The following KIF23 variants were observed in gnomAD, a reference collection of about 807,000 sequenced individuals.
The protein encoded by KIF23 is kinesin family member 23.
KIF23 carries 30 observed loss-of-function variants against 137.5 expected under a neutral mutation model. The observed-to-expected ratio is 0.22, with a 90% CI of 0.16 to 0.30. The LOEUF is 0.30. Among genes scored for constraint, KIF23 ranks in the 10% least tolerant of loss-of-function variants. KIF23 has a pLI of 1.00. For synonymous variants in KIF23, 367 were observed against 391.1 expected (o/e 0.94, Z 0.73); for missense variants, 920 against 1,194.3 (o/e 0.77, Z 3.38).
intron 11 of KIF23, chr15:69,434,500 G>A: frequency 1.5e-6 from 1 of 681,020 alleles, no homozygotes; most frequent in Admixed American, 2.0e-5. Context: ...ATCTCATACT[G>A]ACCACGCCGT....
chr15:69,430,024 C>CAAT (rs1159047551), intron 11 of KIF23, among the ~76,000 whole-genome samples: 2 of 151,466 alleles, frequency 1.3e-5, no homozygotes, highest in Non-Finnish European at 3.0e-5. Flanking sequence ...AAAACAACAA[C>CAAT]AACAACAAAA....
In KIF23 at chr15:69,423,286, T is replaced by C; in HGVS notation, c.691T>C (p.Tyr231His). Residue 231 changes from tyrosine to histidine, a missense_variant, in exon 7 of 24, where the codon TAT (tyrosine) becomes CAT (histidine). Physicochemically the swap from Tyr to His is moderately conservative, Grantham distance 83. Around this residue, in one of 4 missense-constraint regions of KIF23, gnomAD observed 714 missense variants for 866.2 expected, o/e 0.82. Transcript: ENST00000679126. ...TATTGAAATATATAATAATTACATATATGATCTATTGGAAGAGGTGCCGTT... is the reference window on the plus strand; with the variant it reads ...TATTGAAATATATAATAATTACATACATGATCTATTGGAAGAGGTGCCGTT... The part of the protein sequence containing the change: ...SYIEIYNNYI[Y>H]DLLEEVPFDP... 1 of 1,583,200 alleles carries C rather than the reference T, an allele frequency of 6.3e-7. No individual in the cohort carries two copies. Among genetic ancestry groups the C allele is most frequent in the South Asian group, 1.2e-5 (1 of 85,886 alleles).
rs769199373 is a variant in KIF23, at chr15:69,436,216, C to G, written c.1393C>G (p.Pro465Ala). 6.2e-7 allele frequency: 1 copy of G among 1,613,828 alleles called. No homozygotes were observed. Reference sequence around the variant, plus strand: ...AGACAAGGCAATATGTGGTTTAACGCCTGGGAGGAGATACAGAAACCAGCC... The same window carrying G: ...AGACAAGGCAATATGTGGTTTAACGGCTGGGAGGAGATACAGAAACCAGCC... The part of the protein sequence containing the change: ...PVDKAICGLT[P>A]GRRYRNQPRG... The change falls in exon 14 of 24, where the codon CCT becomes GCT. Residue 465 changes from proline to alanine, a missense_variant. Physicochemically the swap from Pro to Ala is conservative, Grantham distance 27. This residue lies in a region of KIF23 where 714 missense variants were observed against 866.2 expected (regional missense o/e 0.82). Coordinates refer to ENST00000679126, the MANE Select transcript of KIF23 (RefSeq NM_001367805.3).
chr15:69,438,445 G>A (rs1371201731), intron 16 of KIF23, 40 bp downstream of exon 16: 6 of 1,543,052 alleles, frequency 3.9e-6, no homozygotes, highest in Non-Finnish European at 5.3e-6. Context: ...ATGTGCTGGT[G>A]TTTTAGCACT....
chr15:69,426,151 T>C lies in KIF23; in HGVS notation c.858T>C (p.Ser286=). The change falls in exon 9 of 24, where the codon TCT becomes TCC. Residue 286 remains serine, a synonymous_variant. Transcript: ENST00000679126. Reference sequence around the variant, plus strand: ...GATGTACAGAAGTTGAAGTGAAATCTACTGAGGAGGCTTTTGAAGTTTTCT... The same window carrying C: ...GATGTACAGAAGTTGAAGTGAAATCCACTGAGGAGGCTTTTGAAGTTTTCT... The part of the protein sequence containing the change: ...VAGCTEVEVK[S]TEEAFEVFWR... The C allele has an allele frequency of 6.2e-7, 1 of 1,608,854 alleles. No homozygotes were observed. Among genetic ancestry groups the C allele is most frequent in the East Asian group, 2.2e-5 (1 of 44,840 alleles).
chr15:69,422,285 A>G (rs2057075499), intron 5 of KIF23, 41 bp from the exon 6 acceptor site: 6 of 1,475,512 alleles, frequency 4.1e-6, no homozygotes, highest in Non-Finnish European at 5.6e-6. Context: ...TTAAATTCTA[A>G]AAAACGTGGT....
In KIF23 at chr15:69,444,623, T is replaced by A. The variant is rs2057703246; in HGVS notation, c.2422-167T>A. On this transcript the variant is annotated intron_variant, in intron 19 of 23. Coordinates refer to ENST00000679126, the MANE Select transcript of KIF23 (RefSeq NM_001367805.3). The surrounding 1 kb of genome is among the most constrained non-coding windows in gnomAD (Gnocchi z 4.2). ...GTAACATACAAGTTGGTGTTAAAGATGTTTGTTGGTTTTGTGTTTAAATGC... is the reference window on the plus strand; with the variant it reads ...GTAACATACAAGTTGGTGTTAAAGAAGTTTGTTGGTTTTGTGTTTAAATGC... 1.5e-6 allele frequency: 1 copy of A among 647,274 alleles called. No homozygotes were observed. 40.1% of individuals were successfully genotyped at this position (647,274 alleles called of 1,614,324 possible). A position where few individuals can be genotyped will look rare whatever the true frequency, so the allele number is the denominator to read the frequency against.
intron 10 of KIF23, among the ~76,000 whole-genome samples, chr15:69,427,181 G>A (rs755470934): frequency 6.6e-6 from 1 of 152,066 alleles, no homozygotes; most frequent in African/African-American, 2.4e-5. Context: ...AAAAGTGTAT[G>A]GGAGGATGTG....
At chr15:69,438,642 AG>A (rs2057539380) in intron 16 of KIF23, among the ~76,000 whole-genome samples, 1 of 152,172 alleles carries the variant, frequency 6.6e-6, no homozygotes, top group Non-Finnish European at 1.5e-5. Context: ...CTACTAAAAA[AG>A]TACAAAAGTT....
chr15:69,426,270 A>G, intron 9 of KIF23, 66 bp from the exon 10 acceptor site: 2 of 1,602,590 alleles, frequency 1.2e-6, no homozygotes, highest in Non-Finnish European at 1.7e-6. Context: ...TTTTTGACTT[A>G]TTAGAAAGCA....
Position 69,414,597 on chromosome 15 carries a change from C to T in KIF23, c.11+121C>T, listed in dbSNP as rs368132638. 3.5e-4 allele frequency: 408 copies of T among 1,155,348 alleles called. No individual in the cohort carries two copies. The East Asian group carries it at 7.1e-3, about 20-fold the overall frequency. 71.6% of individuals were successfully genotyped at this position (1,155,348 alleles called of 1,614,324 possible). On this transcript the variant is annotated intron_variant, in intron 1 of 23. Coordinates refer to ENST00000679126, the MANE Select transcript of KIF23 (RefSeq NM_001367805.3). ...CGGGCAGCGCGGACAGCATCCCGCC[C>T]GGTGCTGCTGCGGCCGCGACCCCAA...
intron 3 of KIF23, among the ~76,000 whole-genome samples, chr15:69,418,580 A>G (rs1486363705): frequency 2.6e-5 from 4 of 152,090 alleles, no homozygotes; most frequent in African/African-American, 9.7e-5. Flanking sequence ...ATATTCCAAC[A>G]TGTGTCTTGA....
chr15:69,442,445 A>C (rs902090525), intron 19 of KIF23, among the ~76,000 whole-genome samples: 1 of 152,234 alleles, frequency 6.6e-6, no homozygotes, highest in African/African-American at 2.4e-5. Flanking sequence ...TATTTCTTCT[A>C]AATCTTACAG....
chr15:69,432,804 A>G (rs2057387173), intron 11 of KIF23, among the ~76,000 whole-genome samples: 1 of 152,250 alleles, frequency 6.6e-6, no homozygotes, highest in African/African-American at 2.4e-5. Flanking sequence ...ATGCAGTGTA[A>G]TGATGAACAT....
chr15:69,427,870 C>T (rs1595993664), intron 10 of KIF23, among the ~76,000 whole-genome samples: 1 of 152,158 alleles, frequency 6.6e-6, no homozygotes, highest in African/African-American at 2.4e-5. Context: ...ATAAAACCTC[C>T]TTATAAGGTT....
chr15:69,440,139 G>A lies in KIF23; in HGVS notation c.1929+62G>A, dbSNP rs138276964. The stretch of plus-strand genomic sequence containing the variant: ...GATGATTTATTTTACATTGTAGTTA[G>A]GTTCGATATTTTGAATTATTGTATT... On this transcript the variant is annotated intron_variant, in intron 17 of 23. Coordinates refer to ENST00000679126, the MANE Select transcript of KIF23 (RefSeq NM_001367805.3). 1.3e-4 allele frequency: 202 copies of A among 1,563,372 alleles called. 1 individual carries two copies. Among genetic ancestry groups the A allele is most frequent in the Non-Finnish European group, 1.7e-4 (194 of 1,149,508 alleles).
intron 11 of KIF23, chr15:69,434,776 C>T (rs2057434054): frequency 8.9e-7 from 1 of 1,122,990 alleles, no homozygotes; most frequent in Non-Finnish European, 1.3e-6. Context: ...AAGCTCTTGG[C>T]CAGAGTCCAA....
intron 22 of KIF23, chr15:69,446,646 TA>T (rs2057745874): frequency 1.6e-6 from 1 of 620,832 alleles, no homozygotes; most frequent in Non-Finnish European, 2.9e-6. Flanking sequence ...CAAACTTATC[TA>T]AAATGAGATA....
At chr15:69,446,226 A>AT (rs1567083022) in intron 21 of KIF23, 57 bp from the exon 22 acceptor site, 19 of 1,520,398 alleles carry the variant, frequency 1.2e-5, no homozygotes, top group Non-Finnish European at 1.6e-5. Flanking sequence ...TACTTCTAAT[A>AT]TTTTTCCTCT....
Sources: gnomAD v4.1 joint callset for allele counts (sites outside exome capture counted in the v4.1 genomes callset) on GRCh38, gnomAD v4.1.1 for gene constraint, gnomAD v4.1.1 regional missense constraint, Gnocchi (gnomAD v3.1) non-coding constraint, MANE v1.5 for transcripts, NCBI Gene and HGNC (gene_info 2026-07-23, HGNC 2026-07-21) for gene names.